Variants in KIZ observed in about 807,000 individuals in gnomAD.
KIZ encodes the protein kizuna centrosomal protein, also known as centrosomal protein kizuna.
KIZ carries 68 observed loss-of-function variants against 79.6 expected under a neutral mutation model. The observed-to-expected ratio is 0.85, with a 90% CI of 0.70 to 1.05. KIZ has a LOEUF of 1.05. Among genes scored for constraint, KIZ ranks in the 50% least tolerant of loss-of-function variants. KIZ has a pLI of 0.00. For missense variants in KIZ, 797 were observed against 800.4 expected, an observed-to-expected ratio of 1.00 and a Z score of 0.05; for synonymous variants, 280 against 281.8, an observed-to-expected ratio of 0.99 and a Z score of 0.06.
upstream of KIZ, chr20:21,126,047 G>C: frequency 7.1e-7 from 1 of 1,410,500 alleles, no homozygotes; most frequent in Non-Finnish European, 9.2e-7. Context: ...ATGGTGGGGC[G>C]GTCTCCTTCG....
chr20:21,189,270 G>C (rs944520747), intron 6 of KIZ, among the ~76,000 whole-genome samples: 1 of 152,128 alleles, frequency 6.6e-6, no homozygotes, highest in African/African-American at 2.4e-5. Context: ...TGTCCAGTCA[G>C]GAGGATTTTT....
intron 4 of KIZ, among the ~76,000 whole-genome samples, chr20:21,147,015 A>G (rs1032605953): frequency 1.3e-5 from 2 of 152,204 alleles, no homozygotes; most frequent in African/African-American, 4.8e-5. Context: ...TCTATTTGAT[A>G]TTCGGTCATG....
intron 4 of KIZ, among the ~76,000 whole-genome samples, chr20:21,153,119 A>G (rs1356436772): frequency 6.6e-6 from 1 of 152,190 alleles, no homozygotes; most frequent in African/African-American, 2.4e-5. Flanking sequence ...TCATAAGAGT[A>G]GGGCTAATAA....
intron 7 of KIZ, among the ~76,000 whole-genome samples, chr20:21,208,151 G>A (rs2035914608): frequency 6.6e-6 from 1 of 152,200 alleles, no homozygotes; most frequent in African/African-American, 2.4e-5. Flanking sequence ...GGTGAAATAA[G>A]TGTTGATCGA....
chr20:21,154,495 C>G (rs146043341), intron 4 of KIZ, among the ~76,000 whole-genome samples: 295 of 152,240 alleles, frequency 1.9e-3, no homozygotes, highest in African/African-American at 7.0e-3. Flanking sequence ...TAACATTTTT[C>G]AAGACTGCAG....
intron 4 of KIZ, among the ~76,000 whole-genome samples, chr20:21,150,136 A>C (rs538326301): frequency 8.3e-4 from 126 of 152,322 alleles, no homozygotes; most frequent in Non-Finnish European, 1.2e-3. Flanking sequence ...CAGGTCTGTC[A>C]CTACCAGAGT....
chr20:21,147,486 A>G (rs1884763), intron 4 of KIZ, among the ~76,000 whole-genome samples: 91,047 of 152,084 alleles, frequency 0.6, 28,227 homozygotes, highest in South Asian at 0.78. Context: ...TATGAGTTAT[A>G]GCTTATTGTT....
chr20:21,214,372 G>A (rs2036199159), intron 7 of KIZ, among the ~76,000 whole-genome samples, 163 bp from the exon 8 acceptor site: 1 of 152,046 alleles, frequency 6.6e-6, no homozygotes, highest in South Asian at 2.1e-4. Context: ...AAATAACCAG[G>A]TGTTTTTTTT....
intron 7 of KIZ, among the ~76,000 whole-genome samples, chr20:21,213,159 A>G (rs2123277772): frequency 6.6e-6 from 1 of 152,270 alleles, no homozygotes; most frequent in East Asian, 1.9e-4. Flanking sequence ...GAAGGCAAGA[A>G]CTCTGCAGGG....
At chr20:21,201,060 A>G (rs1485755764) in intron 6 of KIZ, among the ~76,000 whole-genome samples, 4 of 151,936 alleles carry the variant, frequency 2.6e-5, no homozygotes, top group Non-Finnish European at 5.9e-5. Flanking sequence ...GCGCACACCT[A>G]TAGTGTCAGT....
At chr20:21,151,707 T>A (rs2033126979) in intron 4 of KIZ, 1 of 152,118 alleles carries the variant, frequency 6.6e-6, no homozygotes, top group Non-Finnish European at 1.5e-5. Flanking sequence ...ATATACTTCA[T>A]GCAGTCTTAA....
intron 1 of KIZ, among the ~76,000 whole-genome samples, chr20:21,130,007 G>A (rs1317881644): frequency 3.3e-5 from 5 of 152,140 alleles, no homozygotes; most frequent in African/African-American, 1.2e-4. Flanking sequence ...CAAAAGCCAA[G>A]GATGTTCTTG....
intron 6 of KIZ, among the ~76,000 whole-genome samples, chr20:21,170,401 T>C (rs2034149421): frequency 6.6e-6 from 1 of 151,866 alleles, no homozygotes; most frequent in African/African-American, 2.4e-5. Flanking sequence ...CTTTTTTTTT[T>C]TTTTTGAGAC....
intron 1 of KIZ, among the ~76,000 whole-genome samples, chr20:21,126,502 G>A (rs1209828955): frequency 1.3e-5 from 2 of 152,118 alleles, no homozygotes; most frequent in South Asian, 2.1e-4. Flanking sequence ...AGTGAAGGTG[G>A]GAGTTCTTCT....
chr20:21,162,689 T>A, intron 5 of KIZ, 161 bp from the exon 6 acceptor site: 2 of 802,190 alleles, frequency 2.5e-6, no homozygotes, highest in South Asian at 1.9e-5. Flanking sequence ...CCACTGTGAT[T>A]TTTTTAAACA....
chr20:21,163,030 T>C lies in KIZ; in HGVS notation c.1223T>C (p.Ile408Thr), dbSNP rs2033754761. 6.2e-7 allele frequency: 1 copy of C among 1,613,790 alleles called. No homozygotes were observed. Among genetic ancestry groups the C allele is most frequent in the Non-Finnish European group, 8.5e-7 (1 of 1,179,814 alleles). Residue 408 changes from isoleucine (I) to threonine (T), a missense_variant, in exon 6 of 13, where the codon ATA (isoleucine) becomes ACA (threonine). Coordinates refer to ENST00000619189, the MANE Select transcript of KIZ (RefSeq NM_018474.6). Reference sequence around the variant, plus strand: ...GGCAAGATGGAGGGAGAAGATGGAATAGAGGCCTTAAAATTAATCCATGCT... The same window carrying C: ...GGCAAGATGGAGGGAGAAGATGGAACAGAGGCCTTAAAATTAATCCATGCT... Reference protein sequence around the residue: ...PGGKMEGEDGIEALKLIHAEQ... With the variant: ...PGGKMEGEDGTEALKLIHAEQ...
chr20:21,205,043 C>T (rs1369009808), intron 6 of KIZ, among the ~76,000 whole-genome samples: 3 of 152,150 alleles, frequency 2.0e-5, no homozygotes, highest in Admixed American at 6.5e-5. Context: ...TTCAGGAGGC[C>T]GAGGCAGGTG....
intron 4 of KIZ, among the ~76,000 whole-genome samples, chr20:21,153,140 T>C (rs1445301824): frequency 6.6e-6 from 1 of 152,128 alleles, no homozygotes; most frequent in Non-Finnish European, 1.5e-5. Context: ...TAATGATTGT[T>C]TTCATAATAT....
chr20:21,127,192 A>C (rs2031537989), intron 1 of KIZ, among the ~76,000 whole-genome samples: 1 of 152,136 alleles, frequency 6.6e-6, no homozygotes, highest in Non-Finnish European at 1.5e-5. Context: ...GGCTTCCTTA[A>C]TTGTCGTTAG....
Sources: allele counts gnomAD v4.1 joint callset (sites outside exome capture counted in the v4.1 genomes callset), GRCh38; gene constraint gnomAD v4.1.1; transcripts MANE v1.5; gene names NCBI Gene and HGNC (gene_info 2026-07-23, HGNC 2026-07-21).